Variants in C6orf132 observed in about 807,000 individuals in gnomAD.
C6orf132 encodes the protein uncharacterized protein C6orf132.
Under a neutral mutation model 65.3 loss-of-function variants are expected in C6orf132, and 43 were observed. The ratio of observed to expected loss-of-function variants is 0.66; its 90% CI spans 0.52 to 0.85. C6orf132 has a LOEUF of 0.85. C6orf132 is among the 40% of genes least tolerant of loss of function. The pLI is 0.00. For missense variants in C6orf132, 1,488 were observed against 1,548.8 expected (o/e 0.96, Z 0.66); for synonymous variants, 631 against 654.1 (o/e 0.96, Z 0.54).
chr6:42,121,067 T>G (rs541939954), intron 2 of C6orf132, among the ~76,000 whole-genome samples: 1 of 152,208 alleles, frequency 6.6e-6, no homozygotes, highest in South Asian at 2.1e-4. Context: ...GTGTGTCCCT[T>G]TCTTGCCTTC....
intron 1 of C6orf132, among the ~76,000 whole-genome samples, chr6:42,129,111 C>A (rs1766813919): frequency 6.6e-6 from 1 of 152,236 alleles, no homozygotes; most frequent in Admixed American, 6.5e-5. Context: ...GCCCAGGAAG[C>A]CCGGCTAAGG....
Position 42,105,414 on chromosome 6 carries a change from A to C in C6orf132, c.2498T>G (p.Val833Gly), listed in dbSNP as rs1445991774. The C allele has an allele frequency of 6.5e-7, 1 of 1,535,376 alleles. No homozygotes were observed. The change falls in exon 4 of 5, where the codon GTG becomes GGG. Residue 833 changes from valine to glycine, a missense_variant. Coordinates refer to ENST00000341865, the MANE Select transcript of C6orf132 (RefSeq NM_001164446.3). ...CAGGGCCATCGGCGAGCCCCGCTCC[A>C]CCACCTCCCCAGTCACCGGGTGCCT... ...LLRHPVTGEV[V>G]ERGSPMALLL... is the part of the protein sequence containing the mutation.
chr6:42,141,735 T>C (rs547061898), intron 1 of C6orf132, among the ~76,000 whole-genome samples: 2 of 152,300 alleles, frequency 1.3e-5, no homozygotes, highest in Admixed American at 1.3e-4. Flanking sequence ...GGTAACCTGG[T>C]AGCAGCTGCG....
At chr6:42,122,621 A>G (rs1766705381) in intron 2 of C6orf132, among the ~76,000 whole-genome samples, 1 of 152,142 alleles carries the variant, frequency 6.6e-6, no homozygotes, top group Non-Finnish European at 1.5e-5. Flanking sequence ...CATCCACACA[A>G]ACCAGCTAAA....
intron 1 of C6orf132, among the ~76,000 whole-genome samples, chr6:42,141,495 G>A (rs190381098): frequency 6.6e-6 from 1 of 152,346 alleles, no homozygotes; most frequent in East Asian, 1.9e-4. Flanking sequence ...ATGATAAGAT[G>A]ACCCACAGCC....
chr6:42,134,175 T>C lies in C6orf132; in HGVS notation c.146-5397A>G, dbSNP rs562301303. 1.4e-3 allele frequency among the ~76,000 whole-genome samples: 215 copies of C among 152,252 alleles called. 1 individual carries two copies. The highest frequency in any genetic ancestry group is 1.1e-3 in the Non-Finnish European group (76 of 68,014). ...GCAGGACCTTATGGGGTCAAGGCTA[T>C]GGGTTTAGAGCCCAGCTGAACTTGG... On this transcript the variant is annotated intron_variant, in intron 1 of 4. Coordinates refer to ENST00000341865, the MANE Select transcript of C6orf132 (RefSeq NM_001164446.3).
intron 1 of C6orf132, among the ~76,000 whole-genome samples, chr6:42,136,882 C>T (rs1766951806): frequency 6.6e-6 from 1 of 151,502 alleles, no homozygotes; most frequent in African/African-American, 2.4e-5. Flanking sequence ...AACAGAATGG[C>T]GCCGCCCCCC....
chr6:42,118,047 T>C (rs1032019779), intron 2 of C6orf132, among the ~76,000 whole-genome samples: 6 of 152,112 alleles, frequency 3.9e-5, no homozygotes, highest in African/African-American at 1.2e-4. Context: ...GTCTCAGTTT[T>C]CTGCCCCTTC....
chr6:42,105,105 G>C lies in C6orf132; in HGVS notation c.2807C>G (p.Thr936Arg). The change falls in exon 4 of 5, where the codon ACA becomes AGA. Residue 936 changes from threonine (T) to arginine (R), a missense_variant. By Grantham distance (71) the Thr-to-Arg change is moderately conservative. Coordinates refer to ENST00000341865, the MANE Select transcript of C6orf132 (RefSeq NM_001164446.3). ...CACAGGGGCCTGGGGCTCTGGCTTT[G>C]TCCAGTTGTGCCTGCGGCTCAGCTC... The part of the protein sequence containing the change: ...GTELSRRHNW[T>R]KPEPQAPVAW... 1 of 1,537,038 alleles carries C rather than the reference G, an allele frequency of 6.5e-7. No individual in the cohort carries two copies. Among genetic ancestry groups the C allele is most frequent in the South Asian group, 1.2e-5 (1 of 84,060 alleles).
At position 42,107,165 on chromosome 6, in the gene C6orf132, GA is replaced by G; in HGVS notation, c.746del (p.Leu249ProfsTer14). ...ACTTGGTGACACCCCCAGGGGGAAA[GA>G]GACGAGTCCCCACTGTGTGAGGAGA... is the stretch of plus-strand genomic sequence containing the variant. ...PASPHTVGTR[L>X]FPPGGVTKWK... On this transcript the variant is annotated frameshift_variant, in exon 4 of 5. Coordinates refer to ENST00000341865, the MANE Select transcript of C6orf132 (RefSeq NM_001164446.3). LOFTEE classifies it high-confidence loss of function. 7.0e-7 allele frequency: 1 copy of G among 1,434,022 alleles called. No homozygotes were observed. Among genetic ancestry groups the G allele is most frequent in the African/African-American group, 1.5e-5 (1 of 68,668 alleles). 88.8% of individuals were successfully genotyped at this position (1,434,022 alleles called of 1,614,324 possible).
intron 2 of C6orf132, among the ~76,000 whole-genome samples, chr6:42,122,657 C>T: frequency 6.6e-6 from 1 of 152,218 alleles, no homozygotes. Flanking sequence ...CCTTGCCTGG[C>T]TCACCCTACA....
intron 1 of C6orf132, among the ~76,000 whole-genome samples, chr6:42,134,693 GAA>G (rs1766910641): frequency 6.6e-6 from 1 of 150,390 alleles, no homozygotes; most frequent in African/African-American, 2.5e-5. Context: ...AGAATTGCTT[GAA>G]CCGGGGAGGC....
intron 1 of C6orf132, among the ~76,000 whole-genome samples, chr6:42,129,764 C>T (rs1291668307): frequency 6.6e-6 from 1 of 152,214 alleles, no homozygotes; most frequent in African/African-American, 2.4e-5. Context: ...GCAAAGAGGG[C>T]TTTCTTCCAT....
rs574760415 is a variant in C6orf132, at chr6:42,121,160, C to G, written c.252+7512G>C. On this transcript the variant is annotated intron_variant, in intron 2 of 4. Coordinates refer to ENST00000341865, the MANE Select transcript of C6orf132 (RefSeq NM_001164446.3). ...TGTGATACCAGAGGCCACTGCACACCTTAAGAGGTCCTGCAGAGTAGTGCT... is the reference window on the plus strand; with the variant it reads ...TGTGATACCAGAGGCCACTGCACACGTTAAGAGGTCCTGCAGAGTAGTGCT... Among the ~76,000 whole-genome samples the G allele has an allele frequency of 3.0e-3, 455 of 152,286 alleles. 2 individuals are homozygous for G. Among genetic ancestry groups the G allele is most frequent in the African/African-American group, 0.01 (422 of 41,552 alleles).
chr6:42,104,873 G>A lies in C6orf132; in HGVS notation c.3039C>T (p.Pro1013=), dbSNP rs1766364550. Residue 1013 remains proline (P), a synonymous_variant, in exon 4 of 5, where the codon CCC becomes CCT. Coordinates refer to ENST00000341865, the MANE Select transcript of C6orf132 (RefSeq NM_001164446.3). The surrounding 1 kb of genome is among the most constrained non-coding windows in gnomAD (Gnocchi z 4.1). ...GCCTCAAGTCTGAGTAGTTGTTCCGGGGAGGGGAGCTCTGGCGGCCCAGAT... is the reference window on the plus strand; with the variant it reads ...GCCTCAAGTCTGAGTAGTTGTTCCGAGGAGGGGAGCTCTGGCGGCCCAGAT... ...LQYLGRQSSP[P]RNNYSDLRQL... 6.9e-7 allele frequency: 1 copy of A among 1,449,818 alleles called. No homozygotes were observed. 89.8% of individuals were successfully genotyped at this position (1,449,818 alleles called of 1,614,324 possible). A position where few individuals can be genotyped will look rare whatever the true frequency, so the allele number is the denominator to read the frequency against.
intron 2 of C6orf132, among the ~76,000 whole-genome samples, chr6:42,121,297 T>A (rs1024102422): frequency 6.6e-6 from 1 of 152,338 alleles, no homozygotes; most frequent in East Asian, 1.9e-4. Flanking sequence ...TTCTTCCCCA[T>A]GGTCAGGGAC....
chr6:42,103,752 ACCC>A lies in C6orf132; in HGVS notation c.*6_*8del. On this transcript the variant is annotated 3_prime_UTR_variant, in exon 5 of 5. Coordinates refer to ENST00000341865, the MANE Select transcript of C6orf132 (RefSeq NM_001164446.3). ...AGTTTGTTGGAGTAGAGCTAAGAGA[ACCC>A]CTGGCTCAGGAGGTGGCTTTCCGAT... is the stretch of plus-strand genomic sequence containing the variant. The A allele has an allele frequency of 7.3e-7, 1 of 1,376,290 alleles. No individual in the cohort carries two copies. Among genetic ancestry groups the A allele is most frequent in the Non-Finnish European group, 9.4e-7 (1 of 1,060,290 alleles). The allele number at this position is 1,376,290 out of a possible 1,614,324, so 85.3% of individuals were successfully genotyped here. A position where few individuals can be genotyped will look rare whatever the true frequency, so the allele number is the denominator to read the frequency against.
At chr6:42,115,934 C>CTTT (rs67542628) in intron 2 of C6orf132, among the ~76,000 whole-genome samples, 6 of 106,390 alleles carry the variant, frequency 5.6e-5, no homozygotes, top group East Asian at 2.8e-4. Flanking sequence ...TTTTCTTTTT[C>CTTT]TTTTTTTTTT....
rs184800883 is a variant in C6orf132, at chr6:42,124,127, A to G, written c.252+4545T>C. Reference sequence around the variant, plus strand: ...CTGTTGGGTGAGGAGCCAGAGGCCCAGGGAGAGGAAGGGACTGGCCTGCAG... The same window carrying G: ...CTGTTGGGTGAGGAGCCAGAGGCCCGGGGAGAGGAAGGGACTGGCCTGCAG... On this transcript the variant is annotated intron_variant, in intron 2 of 4. Coordinates refer to ENST00000341865, the MANE Select transcript of C6orf132 (RefSeq NM_001164446.3). This position sits in a 1 kb window ranked among gnomAD's most constrained non-coding sequence, Gnocchi z 4.0. 1.3e-5 allele frequency among the ~76,000 whole-genome samples: 2 copies of G among 152,310 alleles called. No individual in the cohort carries two copies. Among genetic ancestry groups the G allele is most frequent in the East Asian group, 3.9e-4 (2 of 5,180 alleles).
Sources: gnomAD v4.1 joint callset for allele counts (sites outside exome capture counted in the v4.1 genomes callset) on GRCh38, gnomAD v4.1.1 for gene constraint, Gnocchi (gnomAD v3.1) non-coding constraint, MANE v1.5 for transcripts, NCBI Gene and HGNC (gene_info 2026-07-23, HGNC 2026-07-21) for gene names.